The following FHIT variants were observed in gnomAD, a reference collection of about 807,000 sequenced individuals.
FHIT encodes fragile histidine triad diadenosine triphosphatase.
In FHIT, 19 loss-of-function variants were observed where a neutral mutation model predicts 17.9. That is an observed-to-expected ratio of 1.06 (90% CI 0.74 to 1.56). The LOEUF (loss-of-function observed/expected upper bound fraction) is 1.56. FHIT is among the 40% of genes most tolerant of loss of function. The pLI, the probability that FHIT is intolerant of heterozygous loss-of-function variation, is 0.00. For synonymous variants in FHIT, 81 were observed against 69.7 expected (o/e 1.16, Z -0.81); for missense variants, 248 against 189.2 (o/e 1.31, Z -1.82).
At chr3:61,214,740 T>C (rs989266467) in intron 1 of FHIT, among the ~76,000 whole-genome samples, 5 of 152,212 alleles carry the variant, frequency 3.3e-5, no homozygotes, top group Admixed American at 6.5e-5. Flanking sequence ...TTGATGAACA[T>C]TGATGCAAAT....
chr3:60,277,699 C>A (rs531724828), intron 5 of FHIT, among the ~76,000 whole-genome samples: 2 of 152,282 alleles, frequency 1.3e-5, no homozygotes, highest in East Asian at 3.9e-4. Flanking sequence ...CACTCTGCCA[C>A]AGGCTGGAAG....
At chr3:60,524,506 G>T (rs187994854) in intron 5 of FHIT, among the ~76,000 whole-genome samples, 2 of 152,266 alleles carry the variant, frequency 1.3e-5, no homozygotes, top group Non-Finnish European at 2.9e-5. Flanking sequence ...AATCTAGTGT[G>T]GTTGGATCTG....
At position 61,018,836 on chromosome 3, in the gene FHIT, C is replaced by G. The variant is rs117232427; in HGVS notation, c.-111+23211G>C. Among the ~76,000 whole-genome samples, 112 of 152,068 alleles carry G rather than the reference C, an allele frequency of 7.4e-4. 1 individual carries two copies. In the East Asian group the frequency reaches 0.02, roughly 28 times the overall value. On this transcript the variant is annotated intron_variant, in intron 3 of 9. Transcript: ENST00000492590. ...GGATAGATACACATTCTCACTTAAG[C>G]CCCTGTTGAAACTATTTCCATTGTC... is the stretch of plus-strand genomic sequence containing the variant.
chr3:59,898,132 T>C (rs1026026050), intron 8 of FHIT, among the ~76,000 whole-genome samples: 19 of 152,202 alleles, frequency 1.2e-4, no homozygotes, highest in Middle Eastern at 3.2e-3. Context: ...TGTAGTGTTA[T>C]GATGGGTCAC....
chr3:60,592,083 A>C (rs1553664513), intron 4 of FHIT, among the ~76,000 whole-genome samples: 2 of 151,612 alleles, frequency 1.3e-5, no homozygotes, highest in African/African-American at 2.4e-5. Context: ...TTATCTTAAC[A>C]AAATAATCAT....
At chr3:61,036,271 G>A (rs2033233701) in intron 3 of FHIT, among the ~76,000 whole-genome samples, 1 of 152,218 alleles carries the variant, frequency 6.6e-6, no homozygotes. Flanking sequence ...ACTATTGTGG[G>A]GATAGCACCA....
chr3:61,209,179 G>A (rs1054008148), intron 1 of FHIT, among the ~76,000 whole-genome samples: 1 of 152,172 alleles, frequency 6.6e-6, no homozygotes, highest in Non-Finnish European at 1.5e-5. Context: ...TTTCTGCCGA[G>A]AGATCCGCTG....
At chr3:60,460,426 G>A (rs2032389604) in intron 5 of FHIT, among the ~76,000 whole-genome samples, 3 of 150,482 alleles carry the variant, frequency 2.0e-5, no homozygotes, top group African/African-American at 4.9e-5. Flanking sequence ...AAAAAAAAAA[G>A]AACCATGAGG....
chr3:59,973,986 A>G (rs1399697135), intron 7 of FHIT, among the ~76,000 whole-genome samples: 1 of 43,438 alleles, frequency 2.3e-5, no homozygotes, highest in African/African-American at 4.8e-5. Context: ...TAAAGAAAAG[A>G]AAAAAAAAAC....
chr3:61,058,439 C>T (rs760106974), intron 2 of FHIT, among the ~76,000 whole-genome samples: 2 of 152,178 alleles, frequency 1.3e-5, no homozygotes, highest in Admixed American at 6.5e-5. Flanking sequence ...TTTGTGTCCA[C>T]GCCTAAATCT....
intron 1 of FHIT, among the ~76,000 whole-genome samples, chr3:61,207,568 A>T (rs899325717): frequency 1.3e-5 from 2 of 148,606 alleles, no homozygotes; most frequent in Admixed American, 6.7e-5. Flanking sequence ...GTGTCTGGGA[A>T]TTTATCAAAT....
chr3:61,094,634 A>T (rs2035584383), intron 2 of FHIT, among the ~76,000 whole-genome samples: 1 of 152,202 alleles, frequency 6.6e-6, no homozygotes, highest in Admixed American at 6.5e-5. Flanking sequence ...ATTGACAATG[A>T]TAGCTAATGA....
At chr3:60,368,999 C>T (rs1031312573) in intron 5 of FHIT, among the ~76,000 whole-genome samples, 5 of 151,614 alleles carry the variant, frequency 3.3e-5, no homozygotes, top group South Asian at 2.1e-4. Context: ...TTCCTGAGAC[C>T]GCTCACTCTG....
At chr3:60,710,167 T>G (rs2041484150) in intron 4 of FHIT, among the ~76,000 whole-genome samples, 1 of 152,088 alleles carries the variant, frequency 6.6e-6, no homozygotes, top group Non-Finnish European at 1.5e-5. Context: ...AAAAGTTGAC[T>G]TTTTATTTTT....
chr3:60,791,016 C>A (rs537567899), intron 4 of FHIT, among the ~76,000 whole-genome samples: 1 of 152,196 alleles, frequency 6.6e-6, no homozygotes, highest in African/African-American at 2.4e-5. Context: ...TGTAATAATG[C>A]ACTCAAAGAC....
intron 3 of FHIT, among the ~76,000 whole-genome samples, chr3:60,833,103 C>T (rs1702390538): frequency 6.6e-6 from 1 of 152,150 alleles, no homozygotes; most frequent in African/African-American, 2.4e-5. Flanking sequence ...GGGTATAAGC[C>T]TGGGTGCCAT....
intron 2 of FHIT, among the ~76,000 whole-genome samples, chr3:61,103,289 T>G (rs1269895911): frequency 2.0e-5 from 3 of 152,244 alleles, no homozygotes; most frequent in Non-Finnish European, 4.4e-5. Context: ...ACATCTTTAT[T>G]TCTGCCTTCA....
At chr3:60,445,334 A>T (rs2031250134) in intron 5 of FHIT, among the ~76,000 whole-genome samples, 1 of 152,140 alleles carries the variant, frequency 6.6e-6, no homozygotes, top group Non-Finnish European at 1.5e-5. Context: ...AACCTGTATC[A>T]CAGACTGTAT....
chr3:60,520,511 C>T (rs13064050), intron 5 of FHIT, among the ~76,000 whole-genome samples: 1 of 151,974 alleles, frequency 6.6e-6, no homozygotes, highest in South Asian at 2.1e-4. Context: ...AGAAACATCT[C>T]GTCTAGAGAG....
Sources: gnomAD v4.1 joint callset for allele counts (sites outside exome capture counted in the v4.1 genomes callset) on GRCh38, gnomAD v4.1.1 for gene constraint, MANE v1.5 for transcripts, NCBI Gene and HGNC (gene_info 2026-07-23, HGNC 2026-07-21) for gene names.